The following CUX1 variants were observed in gnomAD, a reference collection of about 807,000 sequenced individuals.
CUX1 encodes the protein protein CASP.
CUX1 carries 31 observed loss-of-function variants against 158.8 expected under a neutral mutation model. The ratio of observed to expected loss-of-function variants is 0.20; its 90% CI spans 0.15 to 0.26. The LOEUF (loss-of-function observed/expected upper bound fraction) is 0.26, where lower values mean the gene tolerates loss of function less well. CUX1 is among the 10% of genes least tolerant of loss of function. CUX1 has a pLI of 1.00. For synonymous variants in CUX1, 879 were observed against 862.1 expected, an observed-to-expected ratio of 1.02 and a Z score of -0.34; for missense variants, 1,589 against 2,014.6, an observed-to-expected ratio of 0.79 and a Z score of 4.04.
At chr7:102,044,080 C>T (rs1822453195) in intron 3 of CUX1, among the ~76,000 whole-genome samples, 1 of 152,156 alleles carries the variant, frequency 6.6e-6, no homozygotes, top group South Asian at 2.1e-4. Context: ...AACTCCTGGC[C>T]TCAGGTGATC....
intron 8 of CUX1, among the ~76,000 whole-genome samples, chr7:102,155,894 G>T (rs1188052516): frequency 6.6e-6 from 1 of 152,136 alleles, no homozygotes; most frequent in Non-Finnish European, 1.5e-5. Context: ...CAGAGGCCCA[G>T]TTTGGGTATT....
chr7:101,927,282 C>A (rs1805703207), intron 2 of CUX1, among the ~76,000 whole-genome samples: 1 of 152,140 alleles, frequency 6.6e-6, no homozygotes, highest in South Asian at 2.1e-4. Context: ...ATCATCTTGG[C>A]TGTAACCACT....
intron 2 of CUX1, among the ~76,000 whole-genome samples, chr7:101,950,343 A>T (rs1290401570): frequency 1.3e-5 from 2 of 152,146 alleles, no homozygotes; most frequent in Non-Finnish European, 2.9e-5. Context: ...TAAGAAAATT[A>T]TATGAAATTC....
Position 102,213,417 on chromosome 7 carries a change from C to T in CUX1, c.3130+8247C>T, listed in dbSNP as rs535066364. Among the ~76,000 whole-genome samples, 196 of 152,352 alleles carry T rather than the reference C, an allele frequency of 1.3e-3. 1 individual carries two copies. The Middle Eastern group carries it at 0.017, about 13-fold the overall frequency. On this transcript the variant is annotated intron_variant, in intron 20 of 23. Coordinates refer to ENST00000292535, the MANE Select transcript of CUX1 (RefSeq NM_181552.4). ...ATTGCTTAGGCCATTTGGGGCCAAG[C>T]TAGTATGGAACCAGGCCAACTAGGC... is the stretch of plus-strand genomic sequence containing the variant.
intron 1 of CUX1, among the ~76,000 whole-genome samples, chr7:101,899,857 A>G (rs1442588989): frequency 6.6e-6 from 1 of 152,128 alleles, no homozygotes. Context: ...GTGAACTTGG[A>G]GAGTGTGGGG....
intron 3 of CUX1, among the ~76,000 whole-genome samples, chr7:102,063,106 A>G (rs1320950136): frequency 7.4e-6 from 1 of 135,176 alleles, no homozygotes; most frequent in African/African-American, 2.9e-5. Flanking sequence ...TCCGTCTCTA[A>G]ATAAATAAAT....
At chr7:102,062,953 A>G (rs1825095207) in intron 3 of CUX1, among the ~76,000 whole-genome samples, 1 of 152,066 alleles carries the variant, frequency 6.6e-6, no homozygotes, top group African/African-American at 2.4e-5. Context: ...AAAAATACGA[A>G]AATTAGCTGG....
At chr7:102,009,944 T>TG (rs1361566309) in intron 2 of CUX1, among the ~76,000 whole-genome samples, 1 of 152,194 alleles carries the variant, frequency 6.6e-6, no homozygotes, top group Non-Finnish European at 1.5e-5. Context: ...GGTTGGTACA[T>TG]GTTAAAACCT....
intron 18 of CUX1, chr7:102,278,171 A>C (rs1554548200): frequency 1.4e-6 from 1 of 731,186 alleles, no homozygotes; most frequent in Non-Finnish European, 2.2e-6. Flanking sequence ...GCTGGGCAGC[A>C]CTGGGCCCCA....
At chr7:101,853,252 G>A (rs4236557) in intron 1 of CUX1, among the ~76,000 whole-genome samples, 2 of 151,918 alleles carry the variant, frequency 1.3e-5, no homozygotes, top group Admixed American at 6.6e-5. Context: ...CTGCACCCAT[G>A]AATAGATGCT....
In CUX1 at chr7:102,055,818, T is replaced by C. The variant is rs1422962900; in HGVS notation, c.190-14521T>C. Among the ~76,000 whole-genome samples, 4 of 152,216 alleles carry C rather than the reference T, an allele frequency of 2.6e-5. No homozygotes were observed. The East Asian group carries it at 7.7e-4, about 29-fold the overall frequency. On this transcript the variant is annotated intron_variant, in intron 3 of 23. Coordinates refer to ENST00000292535, the MANE Select transcript of CUX1 (RefSeq NM_181552.4). ...TGAGGTAGGTTAAAAGCTGGACTTCTTGCACCAGTTAGCCCAGTCATTAGT... is the reference window on the plus strand; with the variant it reads ...TGAGGTAGGTTAAAAGCTGGACTTCCTGCACCAGTTAGCCCAGTCATTAGT...
chr7:102,145,792 C>CA (rs1834967264), intron 8 of CUX1, among the ~76,000 whole-genome samples: 2 of 151,994 alleles, frequency 1.3e-5, no homozygotes, highest in South Asian at 2.1e-4. Flanking sequence ...ACTAAAAATA[C>CA]AAAAATTAGC....
chr7:102,170,782 C>T (rs1430856891), intron 10 of CUX1, among the ~76,000 whole-genome samples: 1 of 152,102 alleles, frequency 6.6e-6, no homozygotes, highest in Non-Finnish European at 1.5e-5. Context: ...TGGCATCCAC[C>T]CAGGGCCAAG....
intron 8 of CUX1, among the ~76,000 whole-genome samples, chr7:102,119,373 C>T (rs903869559): frequency 1.3e-5 from 2 of 152,154 alleles, no homozygotes; most frequent in African/African-American, 4.8e-5. Flanking sequence ...CATCGCCATG[C>T]GTCAGCTGGG....
chr7:101,999,654 G>A (rs1419769629), intron 2 of CUX1, among the ~76,000 whole-genome samples: 2 of 152,196 alleles, frequency 1.3e-5, no homozygotes, highest in Admixed American at 1.3e-4. Context: ...AGAGGATGAC[G>A]GGCTCGTCTG....
At chr7:102,237,283 G>A (rs1303155289) in intron 22 of CUX1, among the ~76,000 whole-genome samples, 1 of 152,018 alleles carries the variant, frequency 6.6e-6, no homozygotes, top group Non-Finnish European at 1.5e-5. Flanking sequence ...GGAGGGCAGT[G>A]ATGCAATCAT....
At chr7:101,983,204 G>A (rs768182888) in intron 2 of CUX1, among the ~76,000 whole-genome samples, 32 of 152,304 alleles carry the variant, frequency 2.1e-4, no homozygotes, top group African/African-American at 5.1e-4. Flanking sequence ...GGGCATATAC[G>A]TGTTTTGAAT....
chr7:102,147,868 G>T (rs1430572681), intron 8 of CUX1, among the ~76,000 whole-genome samples: 1 of 152,068 alleles, frequency 6.6e-6, no homozygotes, highest in African/African-American at 2.4e-5. Flanking sequence ...GCATGGTGGC[G>T]CATGCCTGTA....
intron 1 of CUX1, among the ~76,000 whole-genome samples, chr7:101,858,610 G>A (rs367828525): frequency 2.6e-5 from 4 of 151,436 alleles, no homozygotes; most frequent in South Asian, 4.2e-4. Context: ...AGTTAGTTGT[G>A]AGCTGTGGTG....
Sources: allele counts gnomAD v4.1 joint callset (sites outside exome capture counted in the v4.1 genomes callset), GRCh38; gene constraint gnomAD v4.1.1; transcripts MANE v1.5; gene names NCBI Gene and HGNC (gene_info 2026-07-23, HGNC 2026-07-21).